The following TMEM163 variants were observed in gnomAD, a reference collection of about 807,000 sequenced individuals.
TMEM163 encodes the protein transmembrane protein 163.
In TMEM163, 17 loss-of-function variants were observed where a neutral mutation model predicts 29.3. The observed-to-expected ratio is 0.58, with a 90% CI of 0.40 to 0.87. The LOEUF (loss-of-function observed/expected upper bound fraction) is 0.87, where lower values mean the gene tolerates loss of function less well. Ranked by LOEUF, TMEM163 falls within the 40% of genes least tolerant of loss-of-function variation. TMEM163 has a pLI of 0.00. For missense variants in TMEM163, 303 were observed against 381.5 expected (o/e 0.79, Z 1.71); for synonymous variants, 157 against 160.6 (o/e 0.98, Z 0.17).
chr2:134,607,029 G>A (rs9751408), intron 2 of TMEM163, among the ~76,000 whole-genome samples: 10 of 131,556 alleles, frequency 7.6e-5, no homozygotes, highest in South Asian at 5.9e-4. Flanking sequence ...CGAGAACTGT[G>A]CTGGTGAAAA....
intron 4 of TMEM163, among the ~76,000 whole-genome samples, chr2:134,521,707 TCA>T (rs1680192608): frequency 6.6e-6 from 1 of 152,148 alleles, no homozygotes. Flanking sequence ...AATGGTGAAC[TCA>T]CAGAAAGGCC....
intron 2 of TMEM163, among the ~76,000 whole-genome samples, chr2:134,595,828 A>T (rs1682066580): frequency 6.6e-6 from 1 of 152,066 alleles, no homozygotes; most frequent in South Asian, 2.1e-4. Flanking sequence ...TGAGATAGTA[A>T]CTCATTGTGG....
At chr2:134,559,228 C>A (rs891698756) in intron 2 of TMEM163, among the ~76,000 whole-genome samples, 1 of 152,146 alleles carries the variant, frequency 6.6e-6, no homozygotes, top group East Asian at 1.9e-4. Flanking sequence ...CCTCACTCAC[C>A]TCTTCCACCT....
At chr2:134,586,917 C>A (rs1390256796) in intron 2 of TMEM163, among the ~76,000 whole-genome samples, 2 of 152,176 alleles carry the variant, frequency 1.3e-5, no homozygotes, top group Non-Finnish European at 2.9e-5. Flanking sequence ...TCCTATTATC[C>A]TTTCCACACC....
At chr2:134,674,496 C>T (rs55920206) in intron 2 of TMEM163, among the ~76,000 whole-genome samples, 80,929 of 147,810 alleles carry the variant, frequency 0.55, 22,974 homozygotes, top group African/African-American at 0.64. Flanking sequence ...GGCGCGCGCG[C>T]GCGCGCGCGC....
intron 2 of TMEM163, among the ~76,000 whole-genome samples, chr2:134,664,105 G>A (rs941852036): frequency 6.6e-6 from 1 of 152,156 alleles, no homozygotes; most frequent in South Asian, 2.1e-4. Context: ...TAAATTCCAG[G>A]TCTAAATGTC....
intron 1 of TMEM163, among the ~76,000 whole-genome samples, chr2:134,716,934 C>T (rs1185385258): frequency 1.3e-5 from 2 of 152,222 alleles, no homozygotes; most frequent in Non-Finnish European, 2.9e-5. Flanking sequence ...TTCATCCTAA[C>T]AGAGAGGCTG....
At chr2:134,512,020 T>C (rs917108846) in intron 4 of TMEM163, among the ~76,000 whole-genome samples, 2 of 152,200 alleles carry the variant, frequency 1.3e-5, no homozygotes, top group Non-Finnish European at 2.9e-5. Context: ...TTTGTAGTTG[T>C]GTGTGTGCAG....
intron 2 of TMEM163, among the ~76,000 whole-genome samples, chr2:134,572,349 T>C (rs980588595): frequency 5.3e-5 from 8 of 152,206 alleles, no homozygotes; most frequent in Non-Finnish European, 8.8e-5. Context: ...AAATTCGCCA[T>C]GGCAACATTA....
At chr2:134,553,862 C>CA (rs895774132) in intron 2 of TMEM163, among the ~76,000 whole-genome samples, 45 of 152,176 alleles carry the variant, frequency 3.0e-4, no homozygotes, top group Admixed American at 7.9e-4. Flanking sequence ...CTGACGTGTG[C>CA]AAAAAAAGCA....
intron 5 of TMEM163, among the ~76,000 whole-genome samples, chr2:134,495,948 G>A (rs1306554010): frequency 6.6e-6 from 1 of 152,072 alleles, no homozygotes; most frequent in East Asian, 1.9e-4. Context: ...TTGCCCCCTG[G>A]AAGCTCCCAT....
At chr2:134,620,659 G>C (rs2104824632) in intron 2 of TMEM163, among the ~76,000 whole-genome samples, 1 of 152,248 alleles carries the variant, frequency 6.6e-6, no homozygotes, top group Middle Eastern at 3.4e-3. Context: ...AGTGCAGGGA[G>C]GAAAAATCTT....
chr2:134,482,654 C>T (rs958266183), intron 5 of TMEM163, among the ~76,000 whole-genome samples: 1 of 152,316 alleles, frequency 6.6e-6, no homozygotes, highest in Admixed American at 6.5e-5. Context: ...TTCCCCACCC[C>T]CAACCAGCAG....
chr2:134,638,394 A>T (rs1194202575), intron 2 of TMEM163, among the ~76,000 whole-genome samples: 1 of 152,194 alleles, frequency 6.6e-6, no homozygotes, highest in Non-Finnish European at 1.5e-5. Context: ...CGTCAATCAA[A>T]GGGCATGCAT....
At chr2:134,478,031 G>A (rs1442579290) in intron 5 of TMEM163, among the ~76,000 whole-genome samples, 3 of 152,150 alleles carry the variant, frequency 2.0e-5, no homozygotes, top group African/African-American at 7.2e-5. Flanking sequence ...GTTATTTCAT[G>A]TGAGATCTGA....
chr2:134,542,827 C>G (rs1369272163), intron 4 of TMEM163, among the ~76,000 whole-genome samples: 1 of 152,166 alleles, frequency 6.6e-6, no homozygotes, highest in Non-Finnish European at 1.5e-5. Flanking sequence ...GGGAAGCTCC[C>G]TCTTCTAGCC....
intron 2 of TMEM163, among the ~76,000 whole-genome samples, chr2:134,629,794 G>A (rs1446312273): frequency 4.6e-5 from 7 of 152,170 alleles, no homozygotes; most frequent in African/African-American, 1.7e-4. Context: ...TAATAAAAGA[G>A]AGTATCAATT....
rs1680251748 is a variant in TMEM163 at position 134,524,496 on chromosome 2, C to T, written c.459-21499G>A. Among the ~76,000 whole-genome samples, 2 of 150,064 alleles carry T rather than the reference C, an allele frequency of 1.3e-5. 1 individual carries two copies. The highest frequency in any genetic ancestry group is 1.3e-4 in the Admixed American group (2 of 15,086). On this transcript the variant is annotated intron_variant, in intron 4 of 7. Transcript: ENST00000281924. ...TCACCTAGGTATTAAGCCCCACATGCATTTGCTATTTATCCTGATGCCCTC... is the reference window on the plus strand; with the variant it reads ...TCACCTAGGTATTAAGCCCCACATGTATTTGCTATTTATCCTGATGCCCTC...
rs1386718042 is a variant in TMEM163, at chr2:134,518,864, G to C, written c.459-15867C>G. On this transcript the variant is annotated intron_variant, in intron 4 of 7. Coordinates refer to ENST00000281924, the MANE Select transcript of TMEM163 (RefSeq NM_030923.5). Reference sequence around the variant, plus strand: ...CTCAGGCCCCAGTCCCAGGCAGGGGGTGTTCCAGGAAGAACTTACAGCAGA... The same window carrying C: ...CTCAGGCCCCAGTCCCAGGCAGGGGCTGTTCCAGGAAGAACTTACAGCAGA... Among the ~76,000 whole-genome samples the C allele has an allele frequency of 2.0e-5, 3 of 152,110 alleles. No homozygotes were observed. The East Asian group carries it at 5.8e-4, about 29-fold the overall frequency.
Sources: gnomAD v4.1 joint callset for allele counts (sites outside exome capture counted in the v4.1 genomes callset) on GRCh38, gnomAD v4.1.1 for gene constraint, MANE v1.5 for transcripts, NCBI Gene and HGNC (gene_info 2026-07-23, HGNC 2026-07-21) for gene names.